The following GABBR2 variants were observed in gnomAD, a reference collection of about 807,000 sequenced individuals.
GABBR2 encodes the protein gamma-aminobutyric acid type B receptor subunit 2, also known as G-protein coupled receptor 51.
GABBR2 carries 23 observed loss-of-function variants against 105.6 expected under a neutral mutation model. That is an observed-to-expected ratio of 0.22 (90% confidence interval 0.16 to 0.31). The LOEUF (loss-of-function observed/expected upper bound fraction) is 0.31. GABBR2 is among the 10% of genes least tolerant of loss of function. The probability of loss-of-function intolerance (pLI) is 1.00; values close to 1 mark genes in which losing one functional copy is unlikely to be tolerated. For synonymous variants in GABBR2, 478 were observed against 499.7 expected (o/e 0.96, Z 0.58); for missense variants, 734 against 1,245.5 (o/e 0.59, Z 6.18).
intron 8 of GABBR2, among the ~76,000 whole-genome samples, chr9:98,397,249 T>A (rs1184439969): frequency 6.6e-6 from 1 of 152,182 alleles, no homozygotes. Context: ...GAAGTTAAAG[T>A]CATTCCCGTG....
At chr9:98,695,690 G>A (rs920868270) in intron 1 of GABBR2, among the ~76,000 whole-genome samples, 6 of 151,604 alleles carry the variant, frequency 4.0e-5, no homozygotes, top group East Asian at 2.0e-4. Context: ...TGCTTTACAT[G>A]AATGTTCCAG....
intron 13 of GABBR2, among the ~76,000 whole-genome samples, chr9:98,331,141 A>T (rs756878089): frequency 7.9e-5 from 12 of 152,220 alleles, no homozygotes; most frequent in Non-Finnish European, 1.0e-4. Flanking sequence ...TTGTTTATTC[A>T]TTCATCAGCA....
intron 9 of GABBR2, 125 bp downstream of exon 9, chr9:98,394,050 T>C (rs1169791837): frequency 4.4e-6 from 3 of 680,862 alleles, no homozygotes; most frequent in Non-Finnish European, 8.0e-6. Flanking sequence ...TGAGTGCATG[T>C]GTTGAGGATG....
chr9:98,642,297 C>T (rs957042963), intron 1 of GABBR2, among the ~76,000 whole-genome samples: 3 of 152,214 alleles, frequency 2.0e-5, no homozygotes, highest in Non-Finnish European at 4.4e-5. Context: ...CCACTGCCTC[C>T]AGCATCTGCT....
chr9:98,409,406 T>C (rs1306736123), intron 7 of GABBR2, among the ~76,000 whole-genome samples: 2 of 151,988 alleles, frequency 1.3e-5, no homozygotes, highest in Admixed American at 1.3e-4. Flanking sequence ...GAGAAGATGG[T>C]GGTTTCAGTG....
intron 4 of GABBR2, among the ~76,000 whole-genome samples, chr9:98,483,655 C>A (rs868770324): frequency 6.6e-6 from 1 of 152,194 alleles, no homozygotes; most frequent in African/African-American, 2.4e-5. Context: ...CTTCGCCCCC[C>A]ACCCATTCTG....
chr9:98,346,098 G>T (rs1253184995), intron 13 of GABBR2, among the ~76,000 whole-genome samples: 1 of 152,224 alleles, frequency 6.6e-6, no homozygotes, highest in South Asian at 2.1e-4. Flanking sequence ...ACTGACCCAC[G>T]TGTGGTTTCT....
intron 3 of GABBR2, among the ~76,000 whole-genome samples, chr9:98,533,006 A>C (rs1470223145): frequency 6.6e-6 from 1 of 152,148 alleles, no homozygotes; most frequent in African/African-American, 2.4e-5. Context: ...TTCCACTGAG[A>C]TCTCTAGAAG....
At chr9:98,302,424 C>T (rs1406082285) in intron 16 of GABBR2, among the ~76,000 whole-genome samples, 1 of 152,230 alleles carries the variant, frequency 6.6e-6, no homozygotes, top group African/African-American at 2.4e-5. Context: ...CAGCAATGAC[C>T]TTGGGGAGCA....
chr9:98,384,762 GGGGGCAAC>G (rs1428860085), intron 11 of GABBR2, among the ~76,000 whole-genome samples: 1 of 152,104 alleles, frequency 6.6e-6, no homozygotes, highest in Non-Finnish European at 1.5e-5. Context: ...CAGCCCCCTT[GGGGGCAAC>G]TGTTGGTTCT....
chr9:98,616,872 G>A (rs1390574141), intron 1 of GABBR2, among the ~76,000 whole-genome samples: 2 of 152,202 alleles, frequency 1.3e-5, no homozygotes, highest in Non-Finnish European at 2.9e-5. Flanking sequence ...AGGTATTGAT[G>A]TATGAATATA....
At chr9:98,350,752 C>A (rs1182948182) in intron 13 of GABBR2, among the ~76,000 whole-genome samples, 1 of 152,094 alleles carries the variant, frequency 6.6e-6, no homozygotes, top group Non-Finnish European at 1.5e-5. Flanking sequence ...TCTGTTAGGT[C>A]CATTTGGTCT....
intron 1 of GABBR2, among the ~76,000 whole-genome samples, chr9:98,673,925 G>A (rs1278263641): frequency 5.3e-5 from 8 of 152,042 alleles, no homozygotes; most frequent in Non-Finnish European, 1.0e-4. Flanking sequence ...TTTTTTAAGG[G>A]CAAAGCCTCG....
At chr9:98,575,113 AAGAG>A (rs1309465945) in intron 2 of GABBR2, among the ~76,000 whole-genome samples, 6 of 152,040 alleles carry the variant, frequency 3.9e-5, no homozygotes, top group African/African-American at 1.5e-4. Context: ...GCAAAACCCT[AAGAG>A]AGAGACAGGC....
At chr9:98,567,245 T>A (rs1037275295) in intron 2 of GABBR2, among the ~76,000 whole-genome samples, 2 of 152,220 alleles carry the variant, frequency 1.3e-5, no homozygotes, top group African/African-American at 2.4e-5. Context: ...TTAGAGACCA[T>A]GATCTTGAAT....
At chr9:98,705,538 A>G (rs1033629449) in intron 1 of GABBR2, among the ~76,000 whole-genome samples, 7 of 152,334 alleles carry the variant, frequency 4.6e-5, no homozygotes, top group African/African-American at 1.7e-4. Context: ...TGTTCACCAC[A>G]TCCACCCTGT....
intron 4 of GABBR2, among the ~76,000 whole-genome samples, chr9:98,482,876 C>T (rs1488576004): frequency 6.6e-6 from 1 of 152,120 alleles, no homozygotes; most frequent in East Asian, 1.9e-4. Flanking sequence ...TCATACTCCT[C>T]ATCATCAGCT....
chr9:98,442,157 C>T (rs1826043506), intron 7 of GABBR2, among the ~76,000 whole-genome samples: 1 of 152,236 alleles, frequency 6.6e-6, no homozygotes, highest in Non-Finnish European at 1.5e-5. Flanking sequence ...TCCCTCCTCC[C>T]GATCAGGGGA....
intron 6 of GABBR2, among the ~76,000 whole-genome samples, chr9:98,466,965 A>G (rs1221324241): frequency 6.6e-6 from 1 of 152,166 alleles, no homozygotes; most frequent in Non-Finnish European, 1.5e-5. Context: ...ATGGTCCAAA[A>G]TGGCTACTAG....
Sources: gnomAD v4.1 joint callset for allele counts (sites outside exome capture counted in the v4.1 genomes callset) on GRCh38, gnomAD v4.1.1 for gene constraint, MANE v1.5 for transcripts, NCBI Gene and HGNC (gene_info 2026-07-23, HGNC 2026-07-21) for gene names.